The following GRID2 variants were observed in gnomAD, a reference collection of about 807,000 sequenced individuals.
The protein encoded by GRID2 is glutamate receptor ionotropic, delta-2.
GRID2 carries 33 observed loss-of-function variants against 114.8 expected under a neutral mutation model. That is an observed-to-expected ratio of 0.29 (90% CI 0.22 to 0.38). The LOEUF is 0.38. GRID2 is among the 10% of genes least tolerant of loss of function. The pLI is 1.00. For missense variants in GRID2, 1,184 were observed against 1,257.7 expected (o/e 0.94, Z 0.89); for synonymous variants, 505 against 449.9 (o/e 1.12, Z -1.55).
In GRID2 at chr4:92,594,917, G is replaced by C. The variant is rs1728877169; in HGVS notation, c.244+4631G>C. On this transcript the variant is annotated intron_variant, in intron 2 of 15. Coordinates refer to ENST00000282020, the MANE Select transcript of GRID2 (RefSeq NM_001510.4). ...AACATAAAATGGGCCATGAAAGGTG[G>C]AAATTTATAAGAAAACAAAGTCAGG... Among the ~76,000 whole-genome samples, 3 of 152,004 alleles carry C rather than the reference G, an allele frequency of 2.0e-5. No individual in the cohort carries two copies. The South Asian group carries it at 6.2e-4, about 32-fold the overall frequency.
At chr4:92,471,932 T>TATACTATTTCA (rs1560653220) in intron 1 of GRID2, among the ~76,000 whole-genome samples, 15 of 49,622 alleles carry the variant, frequency 3.0e-4, no homozygotes, top group East Asian at 6.1e-4. Context: ...ATTTCTTTTT[T>TATACTATTTCA]TTTTTTTTTT....
At chr4:93,363,729 A>G (rs902643851) in intron 8 of GRID2, among the ~76,000 whole-genome samples, 8 of 152,116 alleles carry the variant, frequency 5.3e-5, no homozygotes, top group Admixed American at 2.6e-4. Context: ...ATGAAAAACA[A>G]TACTACAACA....
intron 13 of GRID2, among the ~76,000 whole-genome samples, chr4:93,590,750 C>G (rs1163780070): frequency 6.6e-6 from 1 of 152,008 alleles, no homozygotes; most frequent in Non-Finnish European, 1.5e-5. Context: ...GTTTGTAGTT[C>G]TCCTTGAAGA....
In GRID2 at chr4:92,696,033, T is replaced by A. The variant is rs545461749; in HGVS notation, c.244+105747T>A. On this transcript the variant is annotated intron_variant, in intron 2 of 15. Coordinates refer to ENST00000282020, the MANE Select transcript of GRID2 (RefSeq NM_001510.4). ...CATATGCTTCACTAAATAATACTGT[T>A]TTTGTTATTAGTTCTAAGACTTGTT... 1.2e-4 allele frequency among the ~76,000 whole-genome samples: 19 copies of A among 152,294 alleles called. No homozygotes were observed. In the South Asian group the frequency reaches 3.9e-3, roughly 32 times the overall value.
In GRID2 at chr4:93,259,419, C is replaced by A. The variant is rs996125513; in HGVS notation, c.1245+20929C>A. Among the ~76,000 whole-genome samples, 3 of 151,712 alleles carry A rather than the reference C, an allele frequency of 2.0e-5. No homozygotes were observed. In the Admixed American group the frequency reaches 2.0e-4, roughly 10 times the overall value. On this transcript the variant is annotated intron_variant, in intron 8 of 15. Transcript: ENST00000282020. ...TCAATATTCCTTTTCAAAATAGTCT[C>A]GACTGTGTTCATTACCTTGATTTTT...
At chr4:92,666,650 G>GTTTTTTTTTTTTTTTTTTTTTTTT (rs70942922) in intron 2 of GRID2, among the ~76,000 whole-genome samples, 16 of 68,594 alleles carry the variant, frequency 2.3e-4, no homozygotes, top group African/African-American at 4.2e-4. Context: ...CTTAAGGGTT[G>GTTTTTTTTTTTTTTTTTTTTTTTT]TTTTTTTTTT....
chr4:93,510,344 A>T (rs1729042045), intron 12 of GRID2, among the ~76,000 whole-genome samples: 1 of 152,204 alleles, frequency 6.6e-6, no homozygotes, highest in African/African-American at 2.4e-5. Context: ...GATGGGACAG[A>T]GAGGTTTATG....
chr4:92,930,196 C>T (rs561447639), intron 2 of GRID2, among the ~76,000 whole-genome samples: 1 of 151,312 alleles, frequency 6.6e-6, no homozygotes. Flanking sequence ...CCGGATCTGT[C>T]TGAATCCAAA....
intron 1 of GRID2, among the ~76,000 whole-genome samples, chr4:92,533,990 T>C (rs1725483101): frequency 6.6e-6 from 1 of 152,026 alleles, no homozygotes; most frequent in Non-Finnish European, 1.5e-5. Flanking sequence ...TTGATATATA[T>C]TTAGAAGAAA....
chr4:92,762,260 T>G (rs1048797448), intron 2 of GRID2, among the ~76,000 whole-genome samples: 2 of 152,096 alleles, frequency 1.3e-5, no homozygotes, highest in East Asian at 1.9e-4. Context: ...AGGCTGAGAT[T>G]AAGAGCAATT....
intron 1 of GRID2, among the ~76,000 whole-genome samples, chr4:92,570,795 A>G (rs562524342): frequency 6.6e-6 from 1 of 152,038 alleles, no homozygotes; most frequent in Admixed American, 6.6e-5. Flanking sequence ...TTACATATTT[A>G]TTTTTATCTT....
intron 2 of GRID2, among the ~76,000 whole-genome samples, chr4:92,640,421 A>G (rs1345753218): frequency 2.0e-5 from 3 of 151,898 alleles, no homozygotes; most frequent in Non-Finnish European, 4.4e-5. Context: ...TGAGCAAACT[A>G]TTAAATGGTA....
At chr4:92,917,782 G>A (rs532603595) in intron 2 of GRID2, among the ~76,000 whole-genome samples, 239 of 152,228 alleles carry the variant, frequency 1.6e-3, no homozygotes, top group African/African-American at 5.4e-3. Context: ...GTCAGGTAGC[G>A]TGATGCCTCC....
intron 2 of GRID2, among the ~76,000 whole-genome samples, chr4:92,677,840 T>C (rs148858449): frequency 4.1e-4 from 62 of 152,256 alleles, no homozygotes; most frequent in African/African-American, 1.4e-3. Flanking sequence ...ATTATTTTCT[T>C]CCTTGGTGAA....
At chr4:93,607,768 A>C (rs924752064) in intron 13 of GRID2, among the ~76,000 whole-genome samples, 5 of 152,082 alleles carry the variant, frequency 3.3e-5, no homozygotes, top group African/African-American at 1.2e-4. Flanking sequence ...ACTCACCACT[A>C]ATGAGTTTGG....
chr4:92,664,466 T>C (rs1453168082), intron 2 of GRID2, among the ~76,000 whole-genome samples: 1 of 151,022 alleles, frequency 6.6e-6, no homozygotes, highest in Non-Finnish European at 1.5e-5. Context: ...CATTTAAAAA[T>C]ATATATATAT....
chr4:93,165,159 TA>T (rs1333353175), intron 4 of GRID2, among the ~76,000 whole-genome samples: 2 of 152,136 alleles, frequency 1.3e-5, no homozygotes, highest in East Asian at 3.9e-4. Context: ...AAATATAAAT[TA>T]TTTTGTTATT....
At chr4:92,851,689 A>G (rs993347636) in intron 2 of GRID2, among the ~76,000 whole-genome samples, 5 of 151,974 alleles carry the variant, frequency 3.3e-5, no homozygotes, top group Admixed American at 6.6e-5. Context: ...CAACTTTGTA[A>G]TGAATCAGTA....
chr4:93,742,712 C>A (rs1199757836), intron 14 of GRID2, among the ~76,000 whole-genome samples: 1 of 152,168 alleles, frequency 6.6e-6, no homozygotes, highest in African/African-American at 2.4e-5. Context: ...GAGAAGATGG[C>A]AACCTCAGTC....
Sources: gnomAD v4.1 joint callset for allele counts (sites outside exome capture counted in the v4.1 genomes callset) on GRCh38, gnomAD v4.1.1 for gene constraint, MANE v1.5 for transcripts, NCBI Gene and HGNC (gene_info 2026-07-23, HGNC 2026-07-21) for gene names.